The following ADAMTS17 variants were observed in gnomAD, a reference collection of about 807,000 sequenced individuals.
The protein encoded by ADAMTS17 is A disintegrin and metalloproteinase with thrombospondin motifs 17.
A neutral mutation model predicts 141.5 loss-of-function variants in ADAMTS17; 113 were observed. The observed-to-expected ratio is 0.80, with a 90% CI of 0.69 to 0.93. The LOEUF (loss-of-function observed/expected upper bound fraction) is 0.93, where lower values mean the gene tolerates loss of function less well. ADAMTS17 is among the 40% of genes least tolerant of loss of function. The probability of loss-of-function intolerance (pLI) is 0.00; values close to 1 mark genes in which losing one functional copy is unlikely to be tolerated. For synonymous variants in ADAMTS17, 768 were observed against 630.6 expected, an observed-to-expected ratio of 1.22 and a Z score of -3.27; for missense variants, 1,659 against 1,517.9, an observed-to-expected ratio of 1.09 and a Z score of -1.54.
At chr15:100,161,200 G>A (rs536174252) in intron 8 of ADAMTS17, among the ~76,000 whole-genome samples, 32 of 152,274 alleles carry the variant, frequency 2.1e-4, no homozygotes, top group African/African-American at 6.7e-4. Context: ...ACCGTGCGGC[G>A]AGTTCTGAGA....
rs181542293 is a variant in ADAMTS17 at position 100,055,004 on chromosome 15, G to A, written c.2138-950C>T. Among the ~76,000 whole-genome samples the A allele has an allele frequency of 5.2e-3, 780 of 151,304 alleles. 10 individuals carry two copies. The highest frequency in any genetic ancestry group is 0.018 in the African/African-American group (727 of 41,222). On this transcript the variant is annotated intron_variant, in intron 15 of 21. Transcript: ENST00000268070. The stretch of plus-strand genomic sequence containing the variant: ...TATTTTGTTGCTGCTGTTATTTAGG[G>A]AAAAAAAAATCCCAACAACTAAAAC...
intron 6 of ADAMTS17, among the ~76,000 whole-genome samples, chr15:100,257,331 C>A (rs2043360363): frequency 6.6e-6 from 1 of 152,236 alleles, no homozygotes; most frequent in Admixed American, 6.5e-5. Flanking sequence ...GGCTTCCTGG[C>A]CAACTCAGCT....
At chr15:100,286,752 CAG>C (rs139920162) in intron 3 of ADAMTS17, among the ~76,000 whole-genome samples, 1,698 of 152,160 alleles carry the variant, frequency 0.011, 15 homozygotes, top group Non-Finnish European at 0.017. Context: ...CTCAAAAAGC[CAG>C]AGTGTCTTAC....
In ADAMTS17 at chr15:100,281,369, G is replaced by T. The variant is rs148578396; in HGVS notation, c.649C>A (p.Arg217=). ...GCGTTCCTCCGCTCCCGCCAGTCCC[G>T]CGAAGGCCTGCCCCACGTCGGCTTC... ...KKKPTWGRPS[R]DWRERRNAIR... Residue 217 remains arginine, a synonymous_variant, in exon 4 of 22, where the codon CGG becomes AGG. Transcript: ENST00000268070. The T allele has an allele frequency of 6.2e-7, 1 of 1,612,576 alleles. No homozygotes were observed. Among genetic ancestry groups the T allele is most frequent in the South Asian group, 1.1e-5 (1 of 91,062 alleles).
At chr15:100,215,967 T>G (rs1184492541) in intron 7 of ADAMTS17, among the ~76,000 whole-genome samples, 2 of 152,080 alleles carry the variant, frequency 1.3e-5, no homozygotes, top group African/African-American at 4.8e-5. Flanking sequence ...TATCCTCAGC[T>G]CCCTTGGCCA....
At chr15:99,981,920 A>G (rs946090470) in intron 20 of ADAMTS17, among the ~76,000 whole-genome samples, 10 of 152,182 alleles carry the variant, frequency 6.6e-5, no homozygotes, top group African/African-American at 2.4e-4. Context: ...CACAGGTAAT[A>G]TACTCTCCTA....
chr15:100,172,385 G>A (rs148254604), intron 8 of ADAMTS17, among the ~76,000 whole-genome samples: 1,887 of 152,222 alleles, frequency 0.012, 33 homozygotes, highest in African/African-American at 0.042. Context: ...TCAGTTCTTT[G>A]TCCTCCATTT....
chr15:100,291,604 A>G (rs1238756396), intron 3 of ADAMTS17, among the ~76,000 whole-genome samples: 1 of 152,218 alleles, frequency 6.6e-6, no homozygotes, highest in Non-Finnish European at 1.5e-5. Context: ...ATGCCTATCA[A>G]TGGTAGACTG....
intron 15 of ADAMTS17, among the ~76,000 whole-genome samples, chr15:100,084,341 C>T (rs61023357): frequency 0.039 from 5,917 of 152,284 alleles, 407 homozygotes; most frequent in African/African-American, 0.14. Flanking sequence ...ACAAAGCCGC[C>T]GGGAAGCTCG....
intron 20 of ADAMTS17, among the ~76,000 whole-genome samples, chr15:99,986,862 A>G (rs2060599250): frequency 1.3e-5 from 2 of 152,196 alleles, no homozygotes; most frequent in African/African-American, 4.8e-5. Context: ...TTTTCTGGAA[A>G]GAGCTACTAT....
intron 3 of ADAMTS17, among the ~76,000 whole-genome samples, chr15:100,294,204 G>A (rs1056803338): frequency 3.9e-5 from 6 of 152,120 alleles, no homozygotes; most frequent in African/African-American, 1.4e-4. Flanking sequence ...TTAATTATTA[G>A]GGTCTAAGTA....
intron 2 of ADAMTS17, among the ~76,000 whole-genome samples, chr15:100,338,736 C>A (rs1235735909): frequency 6.6e-6 from 1 of 152,096 alleles, no homozygotes; most frequent in Non-Finnish European, 1.5e-5. Flanking sequence ...TATAGCCGAG[C>A]CTGTCGTAGC....
chr15:100,004,241 G>A (rs904973878), intron 18 of ADAMTS17, among the ~76,000 whole-genome samples: 5 of 152,238 alleles, frequency 3.3e-5, no homozygotes, highest in Non-Finnish European at 7.3e-5. Flanking sequence ...ACTCCGCAGC[G>A]TATTTTAGCT....
intron 8 of ADAMTS17, among the ~76,000 whole-genome samples, chr15:100,165,097 G>C (rs1023833599): frequency 6.6e-6 from 1 of 152,196 alleles, no homozygotes; most frequent in Non-Finnish European, 1.5e-5. Context: ...AAGCTCAAGG[G>C]ACATTGGACT....
In ADAMTS17 at chr15:100,205,869, G is replaced by A. The variant is rs192134128; in HGVS notation, c.1076-6446C>T. On this transcript the variant is annotated intron_variant, in intron 7 of 21. Transcript: ENST00000268070. ...AGCCAAGCCTCAGGGCCTGAAGGGT[G>A]GGCGCCGCGGTCTCTGAAAGACAGC... Among the ~76,000 whole-genome samples the A allele has an allele frequency of 1.6e-4, 25 of 152,304 alleles. No homozygotes were observed. In the South Asian group the frequency reaches 1.7e-3, roughly 10 times the overall value.
rs539595544 is a variant in ADAMTS17 at position 100,056,055 on chromosome 15, G to A, written c.2138-2001C>T. On this transcript the variant is annotated intron_variant, in intron 15 of 21. Transcript: ENST00000268070. ...GCTGAAATGTGCAAAGGTAAGGCCT[G>A]TTTTCAAAAAGGACAAATTCTACGC... Among the ~76,000 whole-genome samples the A allele has an allele frequency of 1.5e-3, 229 of 152,294 alleles. 1 individual carries two copies. Among genetic ancestry groups the A allele is most frequent in the African/African-American group, 5.3e-3 (222 of 41,572 alleles).
At chr15:100,167,895 T>A (rs1252058849) in intron 8 of ADAMTS17, among the ~76,000 whole-genome samples, 1 of 152,124 alleles carries the variant, frequency 6.6e-6, no homozygotes, top group African/African-American at 2.4e-5. Context: ...CCCATGCACG[T>A]GATGAATGTC....
chr15:100,262,798 C>CA (rs2043573868), intron 4 of ADAMTS17, among the ~76,000 whole-genome samples: 1 of 124,250 alleles, frequency 8.0e-6, no homozygotes, highest in African/African-American at 2.8e-5. Flanking sequence ...AAAAAAAAAA[C>CA]AAAAAACCTA....
intron 15 of ADAMTS17, among the ~76,000 whole-genome samples, chr15:100,070,862 A>T (rs1444588926): frequency 2.0e-5 from 3 of 149,896 alleles, no homozygotes; most frequent in Non-Finnish European, 4.5e-5. Context: ...CACATTCAAA[A>T]GCTAGCAGAA....
Sources: allele counts gnomAD v4.1 joint callset (sites outside exome capture counted in the v4.1 genomes callset), GRCh38; gene constraint gnomAD v4.1.1; transcripts MANE v1.5; gene names NCBI Gene and HGNC (gene_info 2026-07-23, HGNC 2026-07-21).